MICOS10: variants seen among roughly 807,000 people sequenced by gnomAD.
The protein encoded by MICOS10 is MICOS complex subunit MIC10.
Under a neutral mutation model 13.4 loss-of-function variants are expected in MICOS10, and 5 were observed. That is an observed-to-expected ratio of 0.37 (90% CI 0.20 to 0.78). MICOS10 has a LOEUF of 0.78. MICOS10 is among the 30% of genes least tolerant of loss of function. MICOS10 has a pLI of 0.47. For synonymous variants in MICOS10, 35 were observed against 33.6 expected (o/e 1.04, Z -0.15); for missense variants, 101 against 94.6 (o/e 1.07, Z -0.28).
intron 1 of MICOS10, among the ~76,000 whole-genome samples, chr1:19,606,498 C>G (rs187791989): frequency 6.6e-6 from 1 of 152,124 alleles, no homozygotes; most frequent in South Asian, 2.1e-4. Context: ...GTAATCCCAG[C>G]GCTTTGGGAG....
At chr1:19,622,039 A>T in intron 1 of MICOS10, 61 bp from the exon 2 acceptor site, 1 of 1,232,628 alleles carries the variant, frequency 8.1e-7, no homozygotes, top group Non-Finnish European at 1.2e-6. Flanking sequence ...AAGAAATGTT[A>T]ATGTTATCTT....
intron 1 of MICOS10, among the ~76,000 whole-genome samples, chr1:19,613,649 G>A (rs1171427725): frequency 6.6e-6 from 1 of 152,180 alleles, no homozygotes; most frequent in Admixed American, 6.5e-5. Context: ...CCCAGGGCGT[G>A]GCATAGTACC....
intron 1 of MICOS10, 80 bp downstream of exon 1, chr1:19,597,189 G>A: frequency 6.8e-7 from 1 of 1,466,458 alleles, no homozygotes; most frequent in Non-Finnish European, 9.3e-7. Flanking sequence ...AGGAAGGAAG[G>A]GAAGCCCCAC....
chr1:19,620,800 T>G (rs954642647), intron 1 of MICOS10, among the ~76,000 whole-genome samples: 2 of 152,236 alleles, frequency 1.3e-5, no homozygotes, highest in African/African-American at 4.8e-5. Context: ...GCATCATTCT[T>G]GGTCTACTGC....
At chr1:19,612,974 T>C (rs1274506391) in intron 1 of MICOS10, among the ~76,000 whole-genome samples, 1 of 152,186 alleles carries the variant, frequency 6.6e-6, no homozygotes, top group Non-Finnish European at 1.5e-5. Flanking sequence ...GACCTATGAA[T>C]TGTCGTTAAG....
chr1:19,604,138 A>C (rs1004385322), intron 1 of MICOS10, among the ~76,000 whole-genome samples: 4 of 152,176 alleles, frequency 2.6e-5, no homozygotes, highest in African/African-American at 9.7e-5. Flanking sequence ...TACTTGCCCC[A>C]GAGGGTAGTT....
intron 1 of MICOS10, among the ~76,000 whole-genome samples, chr1:19,617,756 C>T (rs1160599529): frequency 6.6e-6 from 1 of 152,016 alleles, no homozygotes; most frequent in Non-Finnish European, 1.5e-5. Context: ...GAAGCACGGC[C>T]ATTATAAATA....
Position 19,622,162 on chromosome 1 carries a change from G to T in MICOS10, c.112+15G>T. ...CTTCTTTAAAAGTAAGTGTCACTCT[G>T]TCTTTTCAACATAATGTCATAGTGT... On this transcript the variant is annotated intron_variant, in intron 2 of 3. Coordinates refer to ENST00000322753, the MANE Select transcript of MICOS10 (RefSeq NM_001032363.4). The T allele has an allele frequency of 6.3e-7, 1 of 1,599,764 alleles. No individual in the cohort carries two copies. The highest frequency in any genetic ancestry group is 8.6e-7 in the Non-Finnish European group (1 of 1,168,058).
At chr1:19,625,288 G>A (rs2094917988) in intron 3 of MICOS10, 1 of 1,144,672 alleles carries the variant, frequency 8.7e-7, no homozygotes, top group Non-Finnish European at 1.1e-6. Flanking sequence ...AGTGGAAAAT[G>A]TGGTACAAAT....
chr1:19,603,773 A>T (rs769271354), intron 1 of MICOS10, among the ~76,000 whole-genome samples: 1 of 152,214 alleles, frequency 6.6e-6, no homozygotes, highest in Admixed American at 6.5e-5. Flanking sequence ...GAAGAGTGAC[A>T]TGGTTGAATT....
chr1:19,615,023 T>TA (rs892550181), intron 1 of MICOS10, among the ~76,000 whole-genome samples: 91 of 152,184 alleles, frequency 6.0e-4, no homozygotes, highest in African/African-American at 2.1e-3. Context: ...CTTGAAAACT[T>TA]AAAAAAAATC....
intron 1 of MICOS10, among the ~76,000 whole-genome samples, chr1:19,610,564 A>G (rs1331465450): frequency 2.0e-5 from 3 of 151,538 alleles, no homozygotes; most frequent in Non-Finnish European, 4.4e-5. Flanking sequence ...CTTAACGGAT[A>G]CTGAGAGACA....
Position 19,612,834 on chromosome 1 carries a change from TTCGGATATCA to T in MICOS10, c.65-9263_65-9254del, listed in dbSNP as rs200138757. 5.3e-4 allele frequency among the ~76,000 whole-genome samples: 80 copies of T among 152,336 alleles called. No individual in the cohort carries two copies. The East Asian group carries it at 7.1e-3, about 14-fold the overall frequency. ...TTTCAACACCTTTTCAGATGCTGAC[TTCGGATATCA>T]TCATTTGTATCAACACATCCTAAAT... On this transcript the variant is annotated intron_variant, in intron 1 of 3. Transcript: ENST00000322753.
In MICOS10 at chr1:19,629,355, C is replaced by G. The variant is rs899987167; in HGVS notation, c.*2954C>G. 1.3e-5 allele frequency: 2 copies of G among 152,230 alleles called. No homozygotes were observed. The highest frequency in any genetic ancestry group is 1.3e-4 in the Admixed American group (2 of 15,278). 9.4% of individuals were successfully genotyped at this position (152,230 alleles called of 1,614,324 possible). A position where few individuals can be genotyped will look rare whatever the true frequency, so the allele number is the denominator to read the frequency against. On this transcript the variant is annotated 3_prime_UTR_variant, in exon 4 of 4. Transcript: ENST00000322753. ...GCTGTGGCGCCCCAAAAGTGGCCTG[C>G]TCTGCCAACATACATAAATACATAC...
Position 19,626,685 on chromosome 1 carries a change from G to T in MICOS10, c.*284G>T, listed in dbSNP as rs910184591. ...TTGGTCTCTGAGCATGAGGAGGACT[G>T]TGTGTGAACTGCCAGCAGCTGTAGC... On this transcript the variant is annotated 3_prime_UTR_variant, in exon 4 of 4. Transcript: ENST00000322753. 1 of 387,372 alleles carries T rather than the reference G, an allele frequency of 2.6e-6. No individual in the cohort carries two copies. Among genetic ancestry groups the T allele is most frequent in the African/African-American group, 2.0e-5 (1 of 49,244 alleles). The allele number at this position is 387,372 out of a possible 1,614,324, so 24.0% of individuals were successfully genotyped here.
At chr1:19,605,010 A>G (rs1158023453) in intron 1 of MICOS10, among the ~76,000 whole-genome samples, 23 of 152,164 alleles carry the variant, frequency 1.5e-4, no homozygotes, top group Admixed American at 1.5e-3. Context: ...GTTATATTTT[A>G]CATCATTATC....
At chr1:19,620,293 C>T (rs1222271874) in intron 1 of MICOS10, among the ~76,000 whole-genome samples, 2 of 152,206 alleles carry the variant, frequency 1.3e-5, no homozygotes, top group South Asian at 2.1e-4. Flanking sequence ...TGGTGTCCCC[C>T]GATCAGGTGG....
At chr1:19,609,772 C>T (rs996497294) in intron 1 of MICOS10, among the ~76,000 whole-genome samples, 5 of 152,124 alleles carry the variant, frequency 3.3e-5, no homozygotes, top group Non-Finnish European at 5.9e-5. Flanking sequence ...TATTTACATA[C>T]GAATTTCTAG....
At chr1:19,612,748 G>A (rs2094868556) in intron 1 of MICOS10, among the ~76,000 whole-genome samples, 1 of 152,124 alleles carries the variant, frequency 6.6e-6, no homozygotes, top group Non-Finnish European at 1.5e-5. Context: ...GTGCTTCCTG[G>A]CCTTACTGTC....
Sources: gnomAD v4.1 joint callset for allele counts (sites outside exome capture counted in the v4.1 genomes callset) on GRCh38, gnomAD v4.1.1 for gene constraint, MANE v1.5 for transcripts, NCBI Gene and HGNC (gene_info 2026-07-23, HGNC 2026-07-21) for gene names.